The following IFNAR1 variants were observed in gnomAD, a reference collection of about 807,000 sequenced individuals.
The protein encoded by IFNAR1 is interferon alpha/beta receptor 1.
In IFNAR1, 47 loss-of-function variants were observed where a neutral mutation model predicts 62.1. That is an observed-to-expected ratio of 0.76 (90% CI 0.60 to 0.97). The LOEUF is 0.97. Ranked by LOEUF, IFNAR1 falls within the 50% of genes least tolerant of loss-of-function variation. The pLI, the probability that IFNAR1 is intolerant of heterozygous loss-of-function variation, is 0.00. For synonymous variants in IFNAR1, 219 were observed against 226.9 expected (o/e 0.97, Z 0.31); for missense variants, 638 against 654.5 (o/e 0.97, Z 0.27).
In IFNAR1 at chr21:33,345,332, A is replaced by G; in HGVS notation, c.760A>G (p.Asn254Asp). ...YVLKWDYTYA[N>D]MTFQVQWLHA... is the part of the protein sequence containing the mutation. The stretch of plus-strand genomic sequence containing the variant: ...TCTTAAATGGGATTATACATATGCA[A>G]ACATGACCTTTCAAGTTCAGTGGCT... The change falls in exon 6 of 11, where the codon AAC becomes GAC. Residue 254 changes from asparagine to aspartate, a missense_variant. Asn to Asp is a conservative substitution (Grantham distance 23). Transcript: ENST00000270139. The G allele has an allele frequency of 1.3e-6, 2 of 1,598,152 alleles. No individual in the cohort carries two copies. The highest frequency in any genetic ancestry group is 1.7e-6 in the Non-Finnish European group (2 of 1,165,946).
Position 33,356,383 on chromosome 21 carries a change from G to A in IFNAR1, c.*834G>A, listed in dbSNP as rs1046250289. The A allele has an allele frequency of 3.9e-5, 6 of 152,134 alleles. No individual in the cohort carries two copies. The highest frequency in any genetic ancestry group is 8.8e-5 in the Non-Finnish European group (6 of 68,026). The allele number at this position is 152,134 out of a possible 1,614,324, so 9.4% of individuals were successfully genotyped here. On this transcript the variant is annotated 3_prime_UTR_variant, in exon 11 of 11. Transcript: ENST00000270139. Reference sequence around the variant, plus strand: ...GGAAAGTCTGAACACGTTATCACTTGGTTTTCTGGAAAGTAGCTTACCCTA... The same window carrying A: ...GGAAAGTCTGAACACGTTATCACTTAGTTTTCTGGAAAGTAGCTTACCCTA...
Position 33,357,120 on chromosome 21 carries a change from C to A in IFNAR1, c.*1571C>A, listed in dbSNP as rs1227840442. On this transcript the variant is annotated 3_prime_UTR_variant, in exon 11 of 11. Transcript: ENST00000270139. ...ATTACCCATGGATATCCTTAATAGG[C>A]AGGAAGTCTGGGAATTCTGGTGGCC... 6.6e-6 allele frequency: 1 copy of A among 152,198 alleles called. No homozygotes were observed. Among genetic ancestry groups the A allele is most frequent in the Non-Finnish European group, 1.5e-5 (1 of 68,054 alleles). The allele number at this position is 152,198 out of a possible 1,614,324, so 9.4% of individuals were successfully genotyped here.
intron 2 of IFNAR1, among the ~76,000 whole-genome samples, chr21:33,336,999 C>T (rs953087861): frequency 6.6e-6 from 1 of 152,104 alleles, no homozygotes; most frequent in Non-Finnish European, 1.5e-5. Flanking sequence ...GGTCTGCTCA[C>T]CTCAGCCTCC....
intron 1 of IFNAR1, among the ~76,000 whole-genome samples, chr21:33,330,500 G>C (rs2083166289): frequency 6.6e-6 from 1 of 152,076 alleles, no homozygotes; most frequent in African/African-American, 2.4e-5. Flanking sequence ...GCTGATCCTT[G>C]GCACAGGATT....
chr21:33,358,735 A>G lies in IFNAR1; in HGVS notation c.*3186A>G, dbSNP rs921011372. On this transcript the variant is annotated 3_prime_UTR_variant, in exon 11 of 11. Transcript: ENST00000270139. ...AAGTTAGGGCTAGGCACAGTGGCTC[A>G]TGCCTATAATCTCAGCACTTTTGGG... The G allele has an allele frequency of 1.3e-5, 2 of 152,124 alleles. No individual in the cohort carries two copies. The highest frequency in any genetic ancestry group is 2.9e-5 in the Non-Finnish European group (2 of 68,038). 9.4% of individuals were successfully genotyped at this position (152,124 alleles called of 1,614,324 possible).
At chr21:33,333,936 C>T (rs142757351) in intron 1 of IFNAR1, among the ~76,000 whole-genome samples, 122 of 152,162 alleles carry the variant, frequency 8.0e-4, no homozygotes, top group African/African-American at 2.8e-3. Flanking sequence ...ATAAGAAACC[C>T]ACTTCACCTA....
intron 1 of IFNAR1, among the ~76,000 whole-genome samples, chr21:33,332,221 C>T (rs2083187955): frequency 6.6e-6 from 1 of 152,154 alleles, no homozygotes; most frequent in African/African-American, 2.4e-5. Context: ...ACATTAACAA[C>T]CTACACTACC....
intron 3 of IFNAR1, among the ~76,000 whole-genome samples, chr21:33,343,021 T>G (rs183815122): frequency 6.6e-6 from 1 of 152,324 alleles, no homozygotes; most frequent in East Asian, 1.9e-4. Flanking sequence ...TTCCTGGTTC[T>G]CCTCCTGCTC....
At chr21:33,353,837 T>C in intron 10 of IFNAR1, 54 bp downstream of exon 10, 1 of 1,206,334 alleles carries the variant, frequency 8.3e-7, no homozygotes, top group Non-Finnish European at 1.2e-6. Context: ...ACAGAAAATG[T>C]GTTTGATTTC....
intron 2 of IFNAR1, among the ~76,000 whole-genome samples, chr21:33,338,897 C>G (rs1441934442): frequency 1.3e-5 from 2 of 151,838 alleles, no homozygotes; most frequent in African/African-American, 2.4e-5. Context: ...CATGCACCCC[C>G]ACGCCCGGCT....
intron 1 of IFNAR1, chr21:33,335,200 A>G (rs2083221634): frequency 2.1e-6 from 1 of 487,182 alleles, no homozygotes; most frequent in South Asian, 2.7e-5. Context: ...GTTGAACCTC[A>G]TCATAAGAGT....
At chr21:33,339,173 G>A (rs991646576) in intron 2 of IFNAR1, among the ~76,000 whole-genome samples, 2 of 152,098 alleles carry the variant, frequency 1.3e-5, no homozygotes, top group African/African-American at 4.8e-5. Context: ...AGTGAGGTTG[G>A]GTTGAAATTA....
intron 9 of IFNAR1, 82 bp downstream of exon 9, chr21:33,352,990 A>G (rs1285723804): frequency 2.1e-6 from 2 of 969,460 alleles, no homozygotes; most frequent in African/African-American, 1.7e-5. Flanking sequence ...AAAATTGTAA[A>G]ACATTTTCTC....
chr21:33,353,618 T>C lies in IFNAR1; in HGVS notation c.1295-20T>C, dbSNP rs989153138. 7.0e-6 allele frequency: 10 copies of C among 1,429,486 alleles called. No homozygotes were observed. Among genetic ancestry groups the C allele is most frequent in the South Asian group, 1.3e-5 (1 of 78,790 alleles). The allele number at this position is 1,429,486 out of a possible 1,614,324, so 88.6% of individuals were successfully genotyped here. A position where few individuals can be genotyped will look rare whatever the true frequency, so the allele number is the denominator to read the frequency against. ...TTTGTATGTCAAAATATATGCTAAA[T>C]ATCACGTATATCTTTTTAGGAAATA... On this transcript the variant is annotated intron_variant, in intron 9 of 10. Transcript: ENST00000270139.
chr21:33,352,725 A>G (rs1233855840), intron 8 of IFNAR1, 33 bp from the exon 9 acceptor site: 1 of 1,287,404 alleles, frequency 7.8e-7, no homozygotes, highest in African/African-American at 1.5e-5. Context: ...TGAGGTGACT[A>G]AATTTTATCA....
Position 33,341,057 on chromosome 21 carries a change from T to A in IFNAR1, c.259T>A (p.Cys87Ser). The change falls in exon 3 of 11, where the codon TGC becomes AGC. Residue 87 changes from cysteine to serine, a missense_variant. Physicochemically the swap from Cys to Ser is moderately radical, Grantham distance 112 (BLOSUM62 -1). Transcript: ENST00000270139. ...GTGTCAGAATATTACTAGTACCAAA[T>A]GCAACTTTTCTTCACTCAAGCTGAA... is the stretch of plus-strand genomic sequence containing the variant. ...SGCQNITSTKCNFSSLKLNVY... is the reference protein window; with the variant it reads ...SGCQNITSTKSNFSSLKLNVY... The A allele has an allele frequency of 6.2e-7, 1 of 1,612,876 alleles. No individual in the cohort carries two copies. The highest frequency in any genetic ancestry group is 8.5e-7 in the Non-Finnish European group (1 of 1,178,998).
intron 2 of IFNAR1, among the ~76,000 whole-genome samples, chr21:33,340,663 C>T (rs1601858365): frequency 6.6e-6 from 1 of 152,142 alleles, no homozygotes; most frequent in East Asian, 1.9e-4. Flanking sequence ...ACAGAGCCAA[C>T]ATACTAAATC....
chr21:33,352,769 C>G lies in IFNAR1; in HGVS notation c.1155C>G (p.Ile385Met), dbSNP rs371123977. The change falls in exon 9 of 11, where the codon ATC becomes ATG. Residue 385 changes from isoleucine (I) to methionine (M), a missense_variant. By Grantham distance (10) the Ile-to-Met change is conservative. Transcript: ENST00000270139. ...ENTSNAERKIIEKKTDVTVPN... is the reference protein window; with the variant it reads ...ENTSNAERKIMEKKTDVTVPN... ...ATTATATTTTCTAGAGAAAAATTAT[C>G]GAGAAAAAAACTGATGTTACAGTTC... 3 of 1,499,190 alleles carry G rather than the reference C, an allele frequency of 2.0e-6. No individual in the cohort carries two copies. The highest frequency in any genetic ancestry group is 2.7e-6 in the Non-Finnish European group (3 of 1,100,572). The allele number at this position is 1,499,190 out of a possible 1,614,324, so 92.9% of individuals were successfully genotyped here.
chr21:33,342,332 G>C (rs1340607861), intron 3 of IFNAR1, among the ~76,000 whole-genome samples: 1 of 152,086 alleles, frequency 6.6e-6, no homozygotes, highest in Non-Finnish European at 1.5e-5. Flanking sequence ...GATCACTTGA[G>C]CCTGGGAGAT....
Sources: gnomAD v4.1 joint callset for allele counts (sites outside exome capture counted in the v4.1 genomes callset) on GRCh38, gnomAD v4.1.1 for gene constraint, MANE v1.5 for transcripts, NCBI Gene and HGNC (gene_info 2026-07-23, HGNC 2026-07-21) for gene names.